Variants in TSPAN9 observed in about 807,000 individuals in gnomAD.
TSPAN9 encodes tetraspanin-9.
Under a neutral mutation model 31.0 loss-of-function variants are expected in TSPAN9, and 16 were observed. The ratio of observed to expected loss-of-function variants is 0.52; its 90% CI spans 0.35 to 0.78. The LOEUF is 0.78. Among genes scored for constraint, TSPAN9 ranks in the 30% least tolerant of loss-of-function variants. TSPAN9 has a pLI of 0.01. For missense variants in TSPAN9, 272 were observed against 312.5 expected (o/e 0.87, Z 0.98); for synonymous variants, 145 against 121.6 (o/e 1.19, Z -1.27).
At chr12:3,155,105 T>G (rs1565595343) in intron 2 of TSPAN9, among the ~76,000 whole-genome samples, 1 of 151,680 alleles carries the variant, frequency 6.6e-6, no homozygotes, top group East Asian at 1.9e-4. Flanking sequence ...GGCAGCTAAT[T>G]AAAAAAAAAT....
chr12:3,117,674 C>T lies in TSPAN9; in HGVS notation c.-18+33955C>T, dbSNP rs1303467872. Among the ~76,000 whole-genome samples the T allele has an allele frequency of 2.0e-5, 3 of 152,166 alleles. No individual in the cohort carries two copies. The East Asian group carries it at 5.8e-4, about 29-fold the overall frequency. ...TCCCTAATTTCTTTGTAATTGTGCT[C>T]CAGGCTGATTTACATAACTTTATTT... On this transcript the variant is annotated intron_variant, in intron 2 of 8. Transcript: ENST00000011898.
chr12:3,135,700 G>A (rs757398087), intron 2 of TSPAN9, among the ~76,000 whole-genome samples: 5 of 152,124 alleles, frequency 3.3e-5, no homozygotes, highest in African/African-American at 1.2e-4. Context: ...TTCAAGTCAA[G>A]CCCTTTGGTC....
chr12:3,127,324 C>T (rs111606063), intron 2 of TSPAN9, among the ~76,000 whole-genome samples: 2,046 of 152,034 alleles, frequency 0.013, 23 homozygotes, highest in Non-Finnish European at 0.021. Flanking sequence ...TTGTAAAGGA[C>T]CTGCTTGAGG....
intron 3 of TSPAN9, among the ~76,000 whole-genome samples, chr12:3,270,551 G>A (rs2153980013): frequency 6.6e-6 from 1 of 152,338 alleles, no homozygotes; most frequent in Admixed American, 6.5e-5. Flanking sequence ...AGGCAGGGCA[G>A]GTGCCCCCCA....
intron 2 of TSPAN9, among the ~76,000 whole-genome samples, chr12:3,138,971 T>C (rs1168667703): frequency 1.3e-5 from 2 of 152,174 alleles, no homozygotes; most frequent in African/African-American, 4.8e-5. Flanking sequence ...GCTTCCCAGC[T>C]CAGAGCCCAG....
At position 3,283,812 on chromosome 12, in the gene TSPAN9, A is replaced by T. The variant is rs1862953301; in HGVS notation, c.*696A>T. ...CTCAATCAGGACAGACCACCGTGCGACACCCAGGAGGCTCTCGGATGGGGC... is the reference window on the plus strand; with the variant it reads ...CTCAATCAGGACAGACCACCGTGCGTCACCCAGGAGGCTCTCGGATGGGGC... On this transcript the variant is annotated 3_prime_UTR_variant, in exon 9 of 9. Coordinates refer to ENST00000011898, the MANE Select transcript of TSPAN9 (RefSeq NM_006675.5). 6.6e-6 allele frequency: 1 copy of T among 152,526 alleles called. No individual in the cohort carries two copies. Among genetic ancestry groups the T allele is most frequent in the African/African-American group, 2.4e-5 (1 of 41,446 alleles). The allele number at this position is 152,526 out of a possible 1,614,324, so 9.4% of individuals were successfully genotyped here.
At chr12:3,266,460 G>A (rs921433250) in intron 3 of TSPAN9, among the ~76,000 whole-genome samples, 1 of 152,226 alleles carries the variant, frequency 6.6e-6, no homozygotes, top group Non-Finnish European at 1.5e-5. Flanking sequence ...AAGGCGGGCC[G>A]TGGGCACTGG....
chr12:3,218,915 A>C (rs1194630125), intron 3 of TSPAN9, among the ~76,000 whole-genome samples: 2 of 152,072 alleles, frequency 1.3e-5, no homozygotes, highest in Non-Finnish European at 2.9e-5. Flanking sequence ...GGAGCCCCCC[A>C]AAGAGAGGTC....
At chr12:3,275,654 G>A (rs1009149959) in intron 3 of TSPAN9, among the ~76,000 whole-genome samples, 2 of 152,246 alleles carry the variant, frequency 1.3e-5, no homozygotes, top group Admixed American at 6.5e-5. Context: ...GGCTAGCCCC[G>A]TTCCCTGGCG....
chr12:3,239,203 G>A (rs3782804), intron 3 of TSPAN9, among the ~76,000 whole-genome samples: 1,842 of 151,212 alleles, frequency 0.012, 46 homozygotes, highest in East Asian at 0.059. Context: ...GAGGCAAGGC[G>A]TAGAGGGGTG....
chr12:3,249,134 A>G (rs1862197547), intron 3 of TSPAN9, among the ~76,000 whole-genome samples: 1 of 152,180 alleles, frequency 6.6e-6, no homozygotes, highest in South Asian at 2.1e-4. Context: ...CCATGTTAAC[A>G]GCCCTCTCTC....
At chr12:3,128,547 G>C (rs2098328350) in intron 2 of TSPAN9, among the ~76,000 whole-genome samples, 1 of 152,158 alleles carries the variant, frequency 6.6e-6, no homozygotes, top group Non-Finnish European at 1.5e-5. Context: ...AACATAGTGA[G>C]ACCCTGTCTC....
intron 2 of TSPAN9, among the ~76,000 whole-genome samples, chr12:3,108,031 T>C (rs567656479): frequency 6.6e-6 from 1 of 152,338 alleles, no homozygotes; most frequent in Middle Eastern, 3.4e-3. Flanking sequence ...AGTTTAGATG[T>C]CACCTCCCTC....
intron 2 of TSPAN9, among the ~76,000 whole-genome samples, chr12:3,169,741 G>A (rs55838954): frequency 0.11 from 17,402 of 152,176 alleles, 1,094 homozygotes; most frequent in African/African-American, 0.15. Context: ...GGAACCATGC[G>A]AGTGAGTTTG....
At chr12:3,116,966 C>T (rs1306486987) in intron 2 of TSPAN9, among the ~76,000 whole-genome samples, 1 of 152,188 alleles carries the variant, frequency 6.6e-6, no homozygotes, top group Non-Finnish European at 1.5e-5. Context: ...GGTAGAGGGA[C>T]ATCCCCATAG....
chr12:3,077,714 C>G (rs2098295801), intron 1 of TSPAN9, among the ~76,000 whole-genome samples: 1 of 152,132 alleles, frequency 6.6e-6, no homozygotes, highest in African/African-American at 2.4e-5. Flanking sequence ...AAGTGGGGTC[C>G]TCCAGGGGAT....
rs144221486 is a variant in TSPAN9, at chr12:3,163,219, C to T, written c.-17-37958C>T. ...AAGCTATTCATTTCACCTCATTCCC[C>T]GTTGCTCTCTGGCTGTTTTCAGAAG... On this transcript the variant is annotated intron_variant, in intron 2 of 8. Transcript: ENST00000011898. Among the ~76,000 whole-genome samples the T allele has an allele frequency of 4.1e-3, 626 of 152,300 alleles. 2 individuals carry two copies. The highest frequency in any genetic ancestry group is 7.6e-3 in the Admixed American group (117 of 15,302).
rs780205628 is a variant in TSPAN9, at chr12:3,283,140, C to G, written c.*24C>G. ...GAGCGGGCTGGCCGGGAGTGCCCAC[C>G]CCGCCCTGCTGCCCTGTGGAGGGAA... On this transcript the variant is annotated 3_prime_UTR_variant, in exon 9 of 9. Transcript: ENST00000011898. 15 of 1,604,500 alleles carry G rather than the reference C, an allele frequency of 9.3e-6. No individual in the cohort carries two copies. Among genetic ancestry groups the G allele is most frequent in the Non-Finnish European group, 1.2e-5 (14 of 1,179,116 alleles).
intron 3 of TSPAN9, among the ~76,000 whole-genome samples, chr12:3,257,066 G>A (rs1375690891): frequency 6.6e-6 from 1 of 152,154 alleles, no homozygotes; most frequent in Non-Finnish European, 1.5e-5. Context: ...AGTCTGATGA[G>A]TTAGGAGACC....
Sources: allele counts gnomAD v4.1 joint callset (sites outside exome capture counted in the v4.1 genomes callset), GRCh38; gene constraint gnomAD v4.1.1; transcripts MANE v1.5; gene names NCBI Gene and HGNC (gene_info 2026-07-23, HGNC 2026-07-21).